Variants in ARHGAP44 observed in about 807,000 individuals in gnomAD.
ARHGAP44 encodes the protein Rho GTPase activating protein 44.
A neutral mutation model predicts 106.8 loss-of-function variants in ARHGAP44; 43 were observed. The ratio of observed to expected loss-of-function variants is 0.40; its 90% CI spans 0.32 to 0.52. The LOEUF (loss-of-function observed/expected upper bound fraction) is 0.52, where lower values mean the gene tolerates loss of function less well. Among genes scored for constraint, ARHGAP44 ranks in the 20% least tolerant of loss-of-function variants. The pLI, the probability that ARHGAP44 is intolerant of heterozygous loss-of-function variation, is 0.48. For synonymous variants in ARHGAP44, 439 were observed against 410.3 expected (o/e 1.07, Z -0.85); for missense variants, 866 against 1,050.5 (o/e 0.82, Z 2.43).
chr17:12,911,448 G>A (rs1192539757), intron 4 of ARHGAP44, among the ~76,000 whole-genome samples: 1 of 152,108 alleles, frequency 6.6e-6, no homozygotes, highest in African/African-American at 2.4e-5. Flanking sequence ...GTCCCCAAAA[G>A]CTGACTCCCA....
intron 1 of ARHGAP44, among the ~76,000 whole-genome samples, chr17:12,863,978 A>C (rs1394476287): frequency 6.6e-6 from 1 of 152,184 alleles, no homozygotes; most frequent in Non-Finnish European, 1.5e-5. Context: ...AAAGACCCTC[A>C]TGTGGCCACG....
At chr17:12,878,076 A>C (rs532629612) in intron 1 of ARHGAP44, among the ~76,000 whole-genome samples, 3 of 152,324 alleles carry the variant, frequency 2.0e-5, no homozygotes, top group African/African-American at 7.2e-5. Flanking sequence ...ATATGTTTTC[A>C]TATTTTTAGA....
intron 1 of ARHGAP44, among the ~76,000 whole-genome samples, chr17:12,797,820 G>A (rs546508439): frequency 5.3e-5 from 8 of 152,212 alleles, no homozygotes; most frequent in Non-Finnish European, 8.8e-5. Context: ...AGTATAATGC[G>A]AATTCTTCTC....
intron 1 of ARHGAP44, among the ~76,000 whole-genome samples, chr17:12,802,427 T>C (rs1444583005): frequency 6.6e-6 from 1 of 152,142 alleles, no homozygotes; most frequent in African/African-American, 2.4e-5. Context: ...GCTTCAAAAT[T>C]CTTTTCTGTC....
intron 16 of ARHGAP44, among the ~76,000 whole-genome samples, chr17:12,959,640 A>G (rs2039210546): frequency 6.6e-6 from 1 of 152,366 alleles, no homozygotes; most frequent in Admixed American, 6.5e-5. Flanking sequence ...GAGGACGTGG[A>G]CTAATGAGCG....
chr17:12,949,828 C>A lies in ARHGAP44; in HGVS notation c.1055+98C>A. 2 of 1,202,416 alleles carry A rather than the reference C, an allele frequency of 1.7e-6. No homozygotes were observed. The highest frequency in any genetic ancestry group is 1.2e-6 in the Non-Finnish European group (1 of 834,592). 74.5% of individuals were successfully genotyped at this position (1,202,416 alleles called of 1,614,324 possible). A position where few individuals can be genotyped will look rare whatever the true frequency, so the allele number is the denominator to read the frequency against. ...CATGTAACCTATGATCTCGCAACCC[C>A]GTTTCTTGATCTCTGCCATGAAGGA... is the stretch of plus-strand genomic sequence containing the variant. On this transcript the variant is annotated intron_variant, in intron 12 of 20. Transcript: ENST00000379672. The surrounding 1 kb of genome is among the most constrained non-coding windows in gnomAD (Gnocchi z 4.1).
At chr17:12,954,062 GTTT>G (rs79278587) in intron 13 of ARHGAP44, among the ~76,000 whole-genome samples, 1 of 139,780 alleles carries the variant, frequency 7.2e-6, no homozygotes, top group African/African-American at 2.6e-5. Flanking sequence ...TAATTTTTGT[GTTT>G]TTTTTTTTTT....
intron 1 of ARHGAP44, among the ~76,000 whole-genome samples, chr17:12,885,600 A>G (rs907168499): frequency 1.3e-5 from 2 of 151,672 alleles, no homozygotes; most frequent in African/African-American, 4.8e-5. Flanking sequence ...CTTAATTTAC[A>G]TTGTCTTAAG....
chr17:12,793,948 G>A (rs1354495195), intron 1 of ARHGAP44, among the ~76,000 whole-genome samples: 2 of 152,106 alleles, frequency 1.3e-5, no homozygotes, highest in African/African-American at 2.4e-5. Context: ...TTTTGAAGTA[G>A]TTCAAAGATG....
At chr17:12,827,491 A>G (rs2034954833) in intron 1 of ARHGAP44, among the ~76,000 whole-genome samples, 1 of 152,204 alleles carries the variant, frequency 6.6e-6, no homozygotes, top group Non-Finnish European at 1.5e-5. Context: ...ATATATCACA[A>G]TTAAGTAGTA....
chr17:12,936,410 G>T lies in ARHGAP44; in HGVS notation c.583-4646G>T, dbSNP rs371248964. On this transcript the variant is annotated intron_variant, in intron 7 of 20. Transcript: ENST00000379672. ...ATCTTTTTATTGTTTACATGCTTTTGTCTTTTCCAGAAAGTCATATAGCTG... is the reference window on the plus strand; with the variant it reads ...ATCTTTTTATTGTTTACATGCTTTTTTCTTTTCCAGAAAGTCATATAGCTG... Among the ~76,000 whole-genome samples, 60 of 152,176 alleles carry T rather than the reference G, an allele frequency of 3.9e-4. 1 individual carries two copies. The highest frequency in any genetic ancestry group is 1.4e-3 in the African/African-American group (58 of 41,512).
intron 1 of ARHGAP44, among the ~76,000 whole-genome samples, chr17:12,865,517 C>T (rs995291965): frequency 1.8e-4 from 27 of 152,178 alleles, no homozygotes; most frequent in East Asian, 3.9e-4. Context: ...AGGCTGGGTG[C>T]GGTGGCTCAC....
chr17:12,931,645 C>G (rs555787961), intron 7 of ARHGAP44, among the ~76,000 whole-genome samples: 6,859 of 151,294 alleles, frequency 0.045, 492 homozygotes, highest in African/African-American at 0.16. Flanking sequence ...TACAGGCGCC[C>G]GCCACCACGC....
chr17:12,895,066 G>T (rs1189518913), intron 2 of ARHGAP44, 87 bp downstream of exon 2: 6 of 1,322,382 alleles, frequency 4.5e-6, no homozygotes, highest in Admixed American at 2.0e-5. Flanking sequence ...AGGAGGTGGA[G>T]GTTGTAGTTA....
At chr17:12,918,472 C>T (rs1476821650) in intron 5 of ARHGAP44, among the ~76,000 whole-genome samples, 1 of 152,072 alleles carries the variant, frequency 6.6e-6, no homozygotes, top group Non-Finnish European at 1.5e-5. Flanking sequence ...AACCAAAATC[C>T]TGCACTGGGA....
At chr17:12,937,850 C>T (rs1156983936) in intron 7 of ARHGAP44, among the ~76,000 whole-genome samples, 2 of 152,106 alleles carry the variant, frequency 1.3e-5, no homozygotes, top group Admixed American at 1.3e-4. Context: ...CCTGTAATCC[C>T]AGCACTTTGG....
intron 6 of ARHGAP44, among the ~76,000 whole-genome samples, chr17:12,922,735 A>C (rs1476946528): frequency 8.2e-6 from 1 of 122,308 alleles, no homozygotes. Context: ...AGTAGCTGGG[A>C]TTACAGGCAC....
At chr17:12,871,956 A>G (rs1200314655) in intron 1 of ARHGAP44, among the ~76,000 whole-genome samples, 1 of 152,094 alleles carries the variant, frequency 6.6e-6, no homozygotes, top group Non-Finnish European at 1.5e-5. Context: ...TTTTTTCTTT[A>G]TGAATTACCC....
At position 12,926,405 on chromosome 17, in the gene ARHGAP44, ATATATATAATATATATG is replaced by A. The variant is rs1251000017; in HGVS notation, c.465-2500_465-2484del. On this transcript the variant is annotated intron_variant, in intron 6 of 20. Transcript: ENST00000379672. ...ATGTATTATATATAATATATATTGT[ATATATATAATATATATG>A]TATATATAATATATATGTATATACA... Among the ~76,000 whole-genome samples the A allele has an allele frequency of 6.3e-3, 908 of 145,068 alleles. 20 individuals are homozygous for A. Among genetic ancestry groups the A allele is most frequent in the Admixed American group, 0.046 (640 of 13,988 alleles).
Sources: allele counts gnomAD v4.1 joint callset (sites outside exome capture counted in the v4.1 genomes callset), GRCh38; gene constraint gnomAD v4.1.1; non-coding constraint Gnocchi (gnomAD v3.1); transcripts MANE v1.5; gene names NCBI Gene and HGNC (gene_info 2026-07-23, HGNC 2026-07-21).